GRID2IP: variants seen among roughly 807,000 people sequenced by gnomAD.
GRID2IP encodes the protein Grid2 interacting protein.
In GRID2IP, 78 loss-of-function variants were observed where a neutral mutation model predicts 114.3. That is an observed-to-expected ratio of 0.68 (90% CI 0.57 to 0.82). The LOEUF (loss-of-function observed/expected upper bound fraction) is 0.82. GRID2IP is among the 40% of genes least tolerant of loss of function. The pLI, the probability that GRID2IP is intolerant of heterozygous loss-of-function variation, is 0.00. For synonymous variants in GRID2IP, 809 were observed against 724.0 expected (o/e 1.12, Z -1.89); for missense variants, 1,727 against 1,678.5 (o/e 1.03, Z -0.51).
At chr7:6,510,201 T>C in intron 11 of GRID2IP, 82 bp downstream of exon 11, 5 of 890,382 alleles carry the variant, frequency 5.6e-6, no homozygotes, top group Non-Finnish European at 6.9e-6. Flanking sequence ...CTGACCCTGA[T>C]GGAGCAGAGA....
chr7:6,501,710 G>A (rs1786419739), intron 20 of GRID2IP, 71 bp downstream of exon 20: 2 of 1,110,248 alleles, frequency 1.8e-6, no homozygotes, highest in Non-Finnish European at 2.7e-6. Flanking sequence ...GCGGCCACTG[G>A]AGCCACAGCC....
At chr7:6,500,929 C>T (rs560543039) in intron 20 of GRID2IP, among the ~76,000 whole-genome samples, 9 of 152,340 alleles carry the variant, frequency 5.9e-5, no homozygotes, top group Non-Finnish European at 1.0e-4. Context: ...TGACAGGCTG[C>T]TCCTTGTAAT....
chr7:6,535,200 T>C (rs1779703643), intron 2 of GRID2IP, among the ~76,000 whole-genome samples: 1 of 152,002 alleles, frequency 6.6e-6, no homozygotes, highest in Non-Finnish European at 1.5e-5. Flanking sequence ...CAGCAAATTG[T>C]TGTATTTTTA....
chr7:6,528,172 C>G lies in GRID2IP; in HGVS notation c.585-1403G>C, dbSNP rs1413199281. Among the ~76,000 whole-genome samples the G allele has an allele frequency of 6.6e-6, 1 of 152,118 alleles. No individual in the cohort carries two copies. The highest frequency in any genetic ancestry group is 1.5e-5 in the Non-Finnish European group (1 of 68,026). ...TCCACTTCTCGAAGTGCTGGGATTA[C>G]AGGCGTGAGCTACAACACCCAGCCT... On this transcript the variant is annotated intron_variant, in intron 2 of 21. Coordinates refer to ENST00000457091, the MANE Select transcript of GRID2IP (RefSeq NM_001145118.2). The surrounding 1 kb of genome is among the most constrained non-coding windows in gnomAD (Gnocchi z 6.0).
At chr7:6,501,734 C>A in intron 20 of GRID2IP, 47 bp downstream of exon 20, 1 of 1,415,338 alleles carries the variant, frequency 7.1e-7, no homozygotes, top group South Asian at 1.2e-5. Flanking sequence ...TCTACCCAAC[C>A]ACCCCAGGAT....
Position 6,534,827 on chromosome 7 carries a change from G to A in GRID2IP, c.584+4891C>T, listed in dbSNP as rs531766652. Reference sequence around the variant, plus strand: ...CCTCCCGGGTTCAAGCGATTCTTCTGCTTCAGCCTCCCAAAGTAGCTGGGA... The same window carrying A: ...CCTCCCGGGTTCAAGCGATTCTTCTACTTCAGCCTCCCAAAGTAGCTGGGA... On this transcript the variant is annotated intron_variant, in intron 2 of 21. Transcript: ENST00000457091. The surrounding 1 kb of genome is among the most constrained non-coding windows in gnomAD (Gnocchi z 4.5). 6.6e-6 allele frequency among the ~76,000 whole-genome samples: 1 copy of A among 152,074 alleles called. No homozygotes were observed. The highest frequency in any genetic ancestry group is 2.4e-5 in the African/African-American group (1 of 41,462).
intron 7 of GRID2IP, among the ~76,000 whole-genome samples, chr7:6,514,983 A>T (rs965962010): frequency 1.3e-5 from 2 of 150,646 alleles, no homozygotes; most frequent in Non-Finnish European, 3.0e-5. Flanking sequence ...AAAAAGAGAG[A>T]GAGAGAGAAG....
At chr7:6,527,916 G>A (rs1779546618) in intron 2 of GRID2IP, among the ~76,000 whole-genome samples, 1 of 151,910 alleles carries the variant, frequency 6.6e-6, no homozygotes, top group Admixed American at 6.6e-5. Context: ...ATGCCACCAC[G>A]ACGGCTAATT....
chr7:6,540,358 C>T (rs1457422171), intron 1 of GRID2IP, among the ~76,000 whole-genome samples: 3 of 152,016 alleles, frequency 2.0e-5, no homozygotes, highest in Non-Finnish European at 4.4e-5. Flanking sequence ...GTGATCCGCC[C>T]GCCTCGGCCT....
intron 14 of GRID2IP, among the ~76,000 whole-genome samples, chr7:6,505,330 G>T (rs1287136825): frequency 1.4e-5 from 2 of 147,458 alleles, no homozygotes; most frequent in Non-Finnish European, 3.0e-5. Flanking sequence ...AGTCCCTGGT[G>T]TTTGATCACT....
chr7:6,503,587 C>G lies in GRID2IP; in HGVS notation c.2811G>C (p.Leu937=). The change falls in exon 16 of 22, where the codon CTG becomes CTC. Residue 937 remains leucine, a synonymous_variant. Transcript: ENST00000457091. ...RRLEPAHLAQ[L]LLFAPDADEE... ...CGTCGGCGTCGGGCGCGAAGAGCAG[C>G]AGCTGCGCGAGATGTGCGGGCTCCA... 1 of 1,529,412 alleles carries G rather than the reference C, an allele frequency of 6.5e-7. No individual in the cohort carries two copies. Among genetic ancestry groups the G allele is most frequent in the Non-Finnish European group, 8.7e-7 (1 of 1,144,518 alleles). 94.7% of individuals were successfully genotyped at this position (1,529,412 alleles called of 1,614,324 possible). A position where few individuals can be genotyped will look rare whatever the true frequency, so the allele number is the denominator to read the frequency against.
rs1779449656 is a variant in GRID2IP, at chr7:6,523,381, G to A, written c.920-1424C>T. The stretch of plus-strand genomic sequence containing the variant: ...GGACAGCTAGAGAGGTTGTCGCAGG[G>A]GATCAAAGAGCACTGGGCCAGGAGT... On this transcript the variant is annotated intron_variant, in intron 4 of 21. Coordinates refer to ENST00000457091, the MANE Select transcript of GRID2IP (RefSeq NM_001145118.2). The surrounding 1 kb of genome is among the most constrained non-coding windows in gnomAD (Gnocchi z 4.5). Among the ~76,000 whole-genome samples the A allele has an allele frequency of 6.6e-6, 1 of 151,984 alleles. No individual in the cohort carries two copies. The highest frequency in any genetic ancestry group is 1.5e-5 in the Non-Finnish European group (1 of 68,006).
At position 6,496,800 on chromosome 7, in the gene GRID2IP, A is replaced by G. The variant is rs114173960; in HGVS notation, c.*974T>C. On this transcript the variant is annotated 3_prime_UTR_variant, in exon 22 of 22. Transcript: ENST00000457091. ...AGCTGTCTGATCCAAGGATCTGTCAATCAGAGAATTTTAAAAAAGGTGAAA... is the reference window on the plus strand; with the variant it reads ...AGCTGTCTGATCCAAGGATCTGTCAGTCAGAGAATTTTAAAAAAGGTGAAA... Among the ~76,000 whole-genome samples, 173 of 150,432 alleles carry G rather than the reference A, an allele frequency of 1.2e-3. No individual in the cohort carries two copies. The highest frequency in any genetic ancestry group is 4.0e-3 in the African/African-American group (164 of 41,044).
rs77512941 is a variant in GRID2IP at position 6,521,686 on chromosome 7, T to C, written c.990-163A>G. 0.022 allele frequency among the ~76,000 whole-genome samples: 3,360 copies of C among 152,246 alleles called. 134 individuals are homozygous for C. The highest frequency in any genetic ancestry group is 0.077 in the African/African-American group (3,210 of 41,538). On this transcript the variant is annotated intron_variant, in intron 5 of 21. Coordinates refer to ENST00000457091, the MANE Select transcript of GRID2IP (RefSeq NM_001145118.2). The surrounding 1 kb of genome is among the most constrained non-coding windows in gnomAD (Gnocchi z 4.1). ...CTGGAGTATTTTCTGGTTGGAAGGA[T>C]GAACTGAGGTCCTGGCTAGAGTTGG...
chr7:6,548,182 G>A (rs1264997696), intron 1 of GRID2IP, among the ~76,000 whole-genome samples: 2 of 151,920 alleles, frequency 1.3e-5, no homozygotes, highest in Admixed American at 6.6e-5. Context: ...GTGAAACCGT[G>A]TCTCTACTAT....
Position 6,532,535 on chromosome 7 carries a change from G to T in GRID2IP, c.585-5766C>A, listed in dbSNP as rs779978345. Among the ~76,000 whole-genome samples the T allele has an allele frequency of 6.6e-6, 1 of 152,106 alleles. No homozygotes were observed. The highest frequency in any genetic ancestry group is 1.5e-5 in the Non-Finnish European group (1 of 68,010). On this transcript the variant is annotated intron_variant, in intron 2 of 21. Transcript: ENST00000457091. The surrounding 1 kb of genome is among the most constrained non-coding windows in gnomAD (Gnocchi z 4.4). ...GACCATCACTTTGCTGTGACCCCCC[G>T]TGGCTGTACTTCTTCCTGGAAGCAG...
At chr7:6,535,428 C>G (rs1779708661) in intron 2 of GRID2IP, among the ~76,000 whole-genome samples, 1 of 152,238 alleles carries the variant, frequency 6.6e-6, no homozygotes, top group African/African-American at 2.4e-5. Flanking sequence ...CCCAAGCCTT[C>G]TATTTTGGCC....
intron 1 of GRID2IP, among the ~76,000 whole-genome samples, chr7:6,545,022 G>A (rs1034799674): frequency 3.9e-5 from 6 of 152,186 alleles, no homozygotes; most frequent in Non-Finnish European, 8.8e-5. Flanking sequence ...GGGAGGCGGA[G>A]CTTGCAGTAA....
intron 15 of GRID2IP, among the ~76,000 whole-genome samples, chr7:6,504,110 C>T (rs2115355169): frequency 7.2e-6 from 1 of 139,206 alleles, no homozygotes; most frequent in African/African-American, 2.8e-5. Context: ...ACTGGAGGAA[C>T]TCTAGAGGGG....
Sources: allele counts gnomAD v4.1 joint callset (sites outside exome capture counted in the v4.1 genomes callset), GRCh38; gene constraint gnomAD v4.1.1; non-coding constraint Gnocchi (gnomAD v3.1); transcripts MANE v1.5; gene names NCBI Gene and HGNC (gene_info 2026-07-23, HGNC 2026-07-21).